Variants in TMEM178B observed in about 807,000 individuals in gnomAD.
TMEM178B encodes the protein transmembrane protein 178B.
A neutral mutation model predicts 31.0 loss-of-function variants in TMEM178B; 5 were observed. That is an observed-to-expected ratio of 0.16 (90% CI 0.08 to 0.34). The LOEUF (loss-of-function observed/expected upper bound fraction) is 0.34, where lower values mean the gene tolerates loss of function less well. Among genes scored for constraint, TMEM178B ranks in the 10% least tolerant of loss-of-function variants. The pLI is 1.00. For missense variants in TMEM178B, 275 were observed against 400.3 expected, an observed-to-expected ratio of 0.69 and a Z score of 2.67; for synonymous variants, 164 against 164.0, an observed-to-expected ratio of 1.00 and a Z score of 0.00.
intron 2 of TMEM178B, among the ~76,000 whole-genome samples, chr7:141,384,241 T>A (rs1800387951): frequency 6.6e-6 from 1 of 152,190 alleles, no homozygotes; most frequent in African/African-American, 2.4e-5. Flanking sequence ...CATTTGTCAA[T>A]TTTGGCTTTT....
At chr7:141,079,646 C>T (rs1057097667) in intron 1 of TMEM178B, among the ~76,000 whole-genome samples, 1 of 152,166 alleles carries the variant, frequency 6.6e-6, no homozygotes, top group Non-Finnish European at 1.5e-5. Flanking sequence ...AGAATTCTCA[C>T]AAGCTTCTCC....
chr7:141,113,217 G>A (rs4725499), intron 1 of TMEM178B, among the ~76,000 whole-genome samples: 48,676 of 151,994 alleles, frequency 0.32, 9,797 homozygotes, highest in Non-Finnish European at 0.46. Flanking sequence ...ATTGGTTTTT[G>A]GGTTTCAGAT....
chr7:141,434,772 A>G (rs1251791090), intron 2 of TMEM178B, among the ~76,000 whole-genome samples: 1 of 152,168 alleles, frequency 6.6e-6, no homozygotes, highest in East Asian at 1.9e-4. Context: ...TTCTTCATCC[A>G]CACCCGTCCC....
At chr7:141,231,708 C>T (rs1369755296) in intron 2 of TMEM178B, among the ~76,000 whole-genome samples, 2 of 152,226 alleles carry the variant, frequency 1.3e-5, no homozygotes, top group Non-Finnish European at 2.9e-5. Context: ...CCTCCACTGG[C>T]AGTTCTCCCA....
chr7:141,397,726 A>G (rs1478580886), intron 2 of TMEM178B, among the ~76,000 whole-genome samples: 1 of 152,144 alleles, frequency 6.6e-6, no homozygotes, highest in African/African-American at 2.4e-5. Flanking sequence ...ATTTCTCTCT[A>G]TTGGCTAATA....
At chr7:141,466,248 G>T (rs1802146253) in intron 3 of TMEM178B, among the ~76,000 whole-genome samples, 1 of 152,170 alleles carries the variant, frequency 6.6e-6, no homozygotes, top group Non-Finnish European at 1.5e-5. Flanking sequence ...ATTTCAAAAG[G>T]TTCCACAGTC....
intron 2 of TMEM178B, among the ~76,000 whole-genome samples, chr7:141,334,674 A>T (rs752609139): frequency 6.6e-6 from 1 of 152,152 alleles, no homozygotes; most frequent in African/African-American, 2.4e-5. Flanking sequence ...ATAGACCCTC[A>T]TCCTCCTCCT....
intron 3 of TMEM178B, among the ~76,000 whole-genome samples, chr7:141,457,478 G>A (rs973382852): frequency 6.6e-5 from 10 of 152,106 alleles, no homozygotes; most frequent in African/African-American, 1.7e-4. Context: ...AACTGAGGCC[G>A]AACTTAATTC....
At chr7:141,155,299 T>G (rs1475891349) in intron 1 of TMEM178B, among the ~76,000 whole-genome samples, 3 of 152,212 alleles carry the variant, frequency 2.0e-5, no homozygotes, top group African/African-American at 7.2e-5. Context: ...ATGGGGCTCT[T>G]GCTGCCAAGG....
chr7:141,339,641 T>A (rs1189284530), intron 2 of TMEM178B, among the ~76,000 whole-genome samples: 19 of 152,312 alleles, frequency 1.2e-4, no homozygotes, highest in Non-Finnish European at 2.6e-4. Flanking sequence ...AAAGAAAATG[T>A]AAACATTAAA....
At chr7:141,097,109 T>C (rs1320217450) in intron 1 of TMEM178B, among the ~76,000 whole-genome samples, 1 of 151,750 alleles carries the variant, frequency 6.6e-6, no homozygotes, top group Non-Finnish European at 1.5e-5. Flanking sequence ...AAAAAATTCT[T>C]AGCGAAGTTA....
At chr7:141,156,675 CT>C in intron 1 of TMEM178B, among the ~76,000 whole-genome samples, 1 of 152,310 alleles carries the variant, frequency 6.6e-6, no homozygotes, top group South Asian at 2.1e-4. Context: ...TTAAATCTTG[CT>C]TTCATGCTTT....
intron 1 of TMEM178B, among the ~76,000 whole-genome samples, chr7:141,125,574 A>G (rs540666161): frequency 6.6e-6 from 1 of 150,672 alleles, no homozygotes; most frequent in Non-Finnish European, 1.5e-5. Flanking sequence ...CCAGCTACTT[A>G]GGAGGCTGAG....
At position 141,114,205 on chromosome 7, in the gene TMEM178B, G is replaced by T. The variant is rs529590598; in HGVS notation, c.382+39513G>T. ...TGCTGAGGCAGGCAGGCATCTCTGT[G>T]TCCTGTCTCACATCCTCTTTGTCCA... On this transcript the variant is annotated intron_variant, in intron 1 of 3. Coordinates refer to ENST00000565468, the MANE Select transcript of TMEM178B (RefSeq NM_001195278.2). Among the ~76,000 whole-genome samples, 11 of 152,368 alleles carry T rather than the reference G, an allele frequency of 7.2e-5. No homozygotes were observed. The South Asian group carries it at 2.1e-3, about 29-fold the overall frequency.
At chr7:141,190,799 C>T (rs1796684819) in intron 1 of TMEM178B, among the ~76,000 whole-genome samples, 1 of 152,168 alleles carries the variant, frequency 6.6e-6, no homozygotes, top group East Asian at 1.9e-4. Context: ...TTCGCAAACT[C>T]CCAAGTATCC....
At chr7:141,383,190 A>C (rs970102797) in intron 2 of TMEM178B, among the ~76,000 whole-genome samples, 1 of 151,708 alleles carries the variant, frequency 6.6e-6, no homozygotes, top group African/African-American at 2.4e-5. Context: ...TAGCTTGTTT[A>C]ATAAACAAGA....
At chr7:141,367,206 T>G (rs1353236075) in intron 2 of TMEM178B, among the ~76,000 whole-genome samples, 1 of 151,974 alleles carries the variant, frequency 6.6e-6, no homozygotes, top group Admixed American at 6.5e-5. Flanking sequence ...AGGAATTTCT[T>G]TTACAAACCA....
chr7:141,406,729 A>G (rs1005766185), intron 2 of TMEM178B, among the ~76,000 whole-genome samples: 1 of 152,244 alleles, frequency 6.6e-6, no homozygotes, highest in Non-Finnish European at 1.5e-5. Context: ...GTAGGCAGAC[A>G]TGGAAAAAAT....
At chr7:141,321,572 A>G (rs1292934521) in intron 2 of TMEM178B, among the ~76,000 whole-genome samples, 3 of 152,064 alleles carry the variant, frequency 2.0e-5, no homozygotes, top group Admixed American at 1.3e-4. Flanking sequence ...GCCTGCCACA[A>G]TTCCTTGAGT....
Sources: allele counts gnomAD v4.1 joint callset (sites outside exome capture counted in the v4.1 genomes callset), GRCh38; gene constraint gnomAD v4.1.1; transcripts MANE v1.5; gene names NCBI Gene and HGNC (gene_info 2026-07-23, HGNC 2026-07-21).